The following TOGARAM2 variants were observed in gnomAD, a reference collection of about 807,000 sequenced individuals.
The protein encoded by TOGARAM2 is TOG array regulator of axonemal microtubules protein 2.
In TOGARAM2, 85 loss-of-function variants were observed where a neutral mutation model predicts 93.3. The ratio of observed to expected loss-of-function variants is 0.91; its 90% CI spans 0.76 to 1.09. The LOEUF is 1.09. Among genes scored for constraint, TOGARAM2 ranks in the 50% least tolerant of loss-of-function variants. TOGARAM2 has a pLI of 0.00. For missense variants in TOGARAM2, 1,277 were observed against 1,334.5 expected (o/e 0.96, Z 0.67); for synonymous variants, 593 against 552.8 (o/e 1.07, Z -1.02).
intron 1 of TOGARAM2, among the ~76,000 whole-genome samples, chr2:28,992,288 G>C (rs1284058390): frequency 6.6e-6 from 1 of 152,148 alleles, no homozygotes; most frequent in African/African-American, 2.4e-5. Context: ...TTTGTCCATA[G>C]CAGCTTTGGC....
intron 6 of TOGARAM2, among the ~76,000 whole-genome samples, chr2:29,007,050 C>G (rs1276909155): frequency 1.3e-5 from 2 of 152,200 alleles, no homozygotes; most frequent in East Asian, 1.9e-4. Context: ...GTGCCCTCTT[C>G]CATTTCTAAG....
At chr2:29,040,382 G>T (rs947841584) in intron 18 of TOGARAM2, among the ~76,000 whole-genome samples, 3 of 152,184 alleles carry the variant, frequency 2.0e-5, no homozygotes, top group Admixed American at 6.6e-5. Context: ...CTCACTCATA[G>T]TCCCAACTCT....
intron 1 of TOGARAM2, among the ~76,000 whole-genome samples, chr2:28,972,174 T>C (rs542949924): frequency 9.2e-5 from 14 of 152,264 alleles, no homozygotes; most frequent in African/African-American, 3.4e-4. Context: ...CTGCAACCTC[T>C]GCCTCCTGGG....
rs1558406534 is a variant in TOGARAM2 at position 28,991,023 on chromosome 2, TGTGTGTGTGTGTG to T, written c.-110-3701_-110-3689del. On this transcript the variant is annotated intron_variant, in intron 1 of 19. Transcript: ENST00000379558. ...GTGTGTGTGTGTGTGTGTGTGTGTG[TGTGTGTGTGTGTG>T]TGTGGCTTTTCCCCAGGGAAAAAGA... Among the ~76,000 whole-genome samples, 18 of 151,092 alleles carry T rather than the reference TGTGTGTGTGTGTG, an allele frequency of 1.2e-4. No homozygotes were observed. In the South Asian group the frequency reaches 1.7e-3, roughly 14 times the overall value.
At chr2:29,000,742 C>T (rs1013440511) in intron 4 of TOGARAM2, among the ~76,000 whole-genome samples, 5 of 152,084 alleles carry the variant, frequency 3.3e-5, no homozygotes, top group African/African-American at 7.2e-5. Context: ...TCCCTGGAGC[C>T]GTGGGGTGTC....
In TOGARAM2 at chr2:29,052,135, T is replaced by C. The variant is rs772719815; in HGVS notation, c.*42T>C. On this transcript the variant is annotated 3_prime_UTR_variant, in exon 20 of 20. Coordinates refer to ENST00000379558, the MANE Select transcript of TOGARAM2 (RefSeq NM_199280.4). ...GGCAATTATTATTTATCTTATTTTT[T>C]TGATGGACTATTCTCCTGGTTACTT... is the stretch of plus-strand genomic sequence containing the variant. The C allele has an allele frequency of 3.6e-5, 52 of 1,447,062 alleles. No individual in the cohort carries two copies. Among genetic ancestry groups the C allele is most frequent in the Non-Finnish European group, 4.7e-5 (51 of 1,085,266 alleles). 89.6% of individuals were successfully genotyped at this position (1,447,062 alleles called of 1,614,324 possible).
upstream of TOGARAM2, among the ~76,000 whole-genome samples, chr2:28,978,533 A>G (rs1484027422): frequency 6.6e-6 from 1 of 152,208 alleles, no homozygotes; most frequent in Admixed American, 6.5e-5. Context: ...CTGAGGGAAC[A>G]GGATCAGAAT....
intron 14 of TOGARAM2, among the ~76,000 whole-genome samples, chr2:29,028,365 T>C (rs558293919): frequency 6.6e-6 from 1 of 152,158 alleles, no homozygotes; most frequent in East Asian, 1.9e-4. Context: ...CTGTGCTGCA[T>C]GGCACCTCCT....
chr2:29,006,740 T>G (rs914087256), intron 6 of TOGARAM2, among the ~76,000 whole-genome samples: 1 of 151,978 alleles, frequency 6.6e-6, no homozygotes, highest in Non-Finnish European at 1.5e-5. Context: ...TGGATTCGAG[T>G]TCTCTATTCA....
intron 10 of TOGARAM2, among the ~76,000 whole-genome samples, chr2:29,019,171 C>T (rs1046308606): frequency 6.9e-6 from 1 of 144,158 alleles, no homozygotes; most frequent in Non-Finnish European, 1.5e-5. Context: ...TATAACCCAA[C>T]TGACTCTTTT....
chr2:29,031,568 A>G (rs1045469054), intron 14 of TOGARAM2, among the ~76,000 whole-genome samples: 4 of 152,234 alleles, frequency 2.6e-5, no homozygotes, highest in African/African-American at 9.6e-5. Flanking sequence ...ATGAATAATT[A>G]TTGTATATGA....
chr2:28,989,253 G>A (rs1396873068), intron 1 of TOGARAM2, among the ~76,000 whole-genome samples: 1 of 152,122 alleles, frequency 6.6e-6, no homozygotes, highest in Non-Finnish European at 1.5e-5. Flanking sequence ...GTTTTGCCAT[G>A]TTGGCCAGGC....
chr2:29,010,216 A>C (rs987446590), intron 6 of TOGARAM2, among the ~76,000 whole-genome samples: 2 of 152,062 alleles, frequency 1.3e-5, no homozygotes, highest in Non-Finnish European at 2.9e-5. Flanking sequence ...TTGATGCTCC[A>C]CTTCCCCTCC....
At chr2:28,978,401 C>T (rs531923491), upstream of TOGARAM2, among the ~76,000 whole-genome samples, 3 of 152,250 alleles carry the variant, frequency 2.0e-5, no homozygotes, top group Admixed American at 2.0e-4. Flanking sequence ...ATAGGATGCT[C>T]AGGTCATTTG....
chr2:29,035,371 CCA>C (rs1212356948), intron 16 of TOGARAM2, 91 bp from the exon 17 acceptor site: 3 of 1,167,016 alleles, frequency 2.6e-6, no homozygotes, highest in Non-Finnish European at 3.3e-6. Context: ...TGTCTCTGCC[CCA>C]CCTGCCTGTA....
chr2:28,999,561 T>C (rs1267120011), intron 4 of TOGARAM2, 93 bp downstream of exon 4: 2 of 1,402,466 alleles, frequency 1.4e-6, no homozygotes, highest in Admixed American at 5.5e-5. Context: ...GGCTTCCAGG[T>C]GGCATGCTGG....
At chr2:28,985,922 G>T (rs952030720) in intron 1 of TOGARAM2, among the ~76,000 whole-genome samples, 1 of 151,974 alleles carries the variant, frequency 6.6e-6, no homozygotes, top group Non-Finnish European at 1.5e-5. Flanking sequence ...TGGCCAACAT[G>T]GCAAAACCCC....
chr2:28,979,896 C>T (rs1387334702), upstream of TOGARAM2, among the ~76,000 whole-genome samples: 2 of 152,166 alleles, frequency 1.3e-5, no homozygotes, highest in South Asian at 2.1e-4. Flanking sequence ...GCACACACAC[C>T]ATCTCCCTGC....
chr2:29,041,966 C>G (rs757305927), intron 18 of TOGARAM2, among the ~76,000 whole-genome samples: 1 of 152,172 alleles, frequency 6.6e-6, no homozygotes, highest in African/African-American at 2.4e-5. Flanking sequence ...ATTCATTGAA[C>G]CCTTACAGCA....
Sources: allele counts gnomAD v4.1 joint callset (sites outside exome capture counted in the v4.1 genomes callset), GRCh38; gene constraint gnomAD v4.1.1; transcripts MANE v1.5; gene names NCBI Gene and HGNC (gene_info 2026-07-23, HGNC 2026-07-21).